The following CAMSAP3 variants were observed in gnomAD, a reference collection of about 807,000 sequenced individuals.
CAMSAP3 encodes calmodulin-regulated spectrin-associated protein 3.
CAMSAP3 carries 34 observed loss-of-function variants against 112.5 expected under a neutral mutation model. The observed-to-expected ratio is 0.30, with a 90% CI of 0.23 to 0.40. CAMSAP3 has a LOEUF of 0.40. Among genes scored for constraint, CAMSAP3 ranks in the 10% least tolerant of loss-of-function variants. The probability of loss-of-function intolerance (pLI) is 1.00; values close to 1 mark genes in which losing one functional copy is unlikely to be tolerated. For missense variants in CAMSAP3, 1,602 were observed against 1,770.3 expected (o/e 0.90, Z 1.71); for synonymous variants, 868 against 799.8 (o/e 1.09, Z -1.44).
intron 1 of CAMSAP3, among the ~76,000 whole-genome samples, chr19:7,602,242 T>C (rs2029999782): frequency 1.3e-5 from 2 of 151,850 alleles, no homozygotes; most frequent in Admixed American, 1.3e-4. Flanking sequence ...TTGCTAAACA[T>C]CTCACAGTGT....
chr19:7,613,157 C>G lies in CAMSAP3; in HGVS notation c.2664C>G (p.Phe888Leu). Residue 888 changes from phenylalanine (F) to leucine (L), a missense_variant, in exon 11 of 17, where the codon TTC (phenylalanine) becomes TTG (leucine). Phe to Leu is a conservative substitution (Grantham distance 22, BLOSUM62 0). Around this residue, in one of 6 missense-constraint regions of CAMSAP3, gnomAD observed 1,100 missense variants for 1,135.7 expected, o/e 0.97. Coordinates refer to ENST00000160298, the MANE Select transcript of CAMSAP3 (RefSeq NM_020902.2). ...AGCCCCGGGTGGGGCTGGGGTTCTT[C>G]TACAAGGTGAGTCCCCGAGCAGGTG... Reference protein sequence around the residue: ...EGEPRVGLGFFYKDEDKPEDE... With the variant: ...EGEPRVGLGFLYKDEDKPEDE... 2.0e-6 allele frequency: 3 copies of G among 1,500,076 alleles called. No homozygotes were observed. Among genetic ancestry groups the G allele is most frequent in the Non-Finnish European group, 1.8e-6 (2 of 1,118,842 alleles). 92.9% of individuals were successfully genotyped at this position (1,500,076 alleles called of 1,614,324 possible). A position where few individuals can be genotyped will look rare whatever the true frequency, so the allele number is the denominator to read the frequency against.
At position 7,607,863 on chromosome 19, in the gene CAMSAP3, C is replaced by G. The variant is rs755864319; in HGVS notation, c.622-263C>G. 1 of 1,311,652 alleles carries G rather than the reference C, an allele frequency of 7.6e-7. No homozygotes were observed. Among genetic ancestry groups the G allele is most frequent in the Non-Finnish European group, 1.1e-6 (1 of 949,050 alleles). The allele number at this position is 1,311,652 out of a possible 1,614,324, so 81.3% of individuals were successfully genotyped here. On this transcript the variant is annotated intron_variant, in intron 4 of 16. Transcript: ENST00000160298. This position sits in a 1 kb window ranked among gnomAD's most constrained non-coding sequence, Gnocchi z 4.9. ...TTTGAAGGAGTCGGGGAGCAAACCC[C>G]CCATGGTAATGTATCCCCCGCCCCG...
At chr19:7,614,024 G>A (rs1289509603) in intron 11 of CAMSAP3, among the ~76,000 whole-genome samples, 2 of 152,074 alleles carry the variant, frequency 1.3e-5, no homozygotes, top group Non-Finnish European at 1.5e-5. Flanking sequence ...CACTTTGGGA[G>A]GCCAAGGCAG....
At chr19:7,606,810 G>T in intron 4 of CAMSAP3, 1 of 1,613,784 alleles carries the variant, frequency 6.2e-7, no homozygotes, top group Non-Finnish European at 8.5e-7. Context: ...GCTGGTTCCT[G>T]TAAGTGGGGC....
Position 7,613,103 on chromosome 19 carries a change from C to T in CAMSAP3, c.2610C>T (p.Ser870=), listed in dbSNP as rs1405826954. ...GDGSPAGAED[S]LEEEASSEGE... is the part of the protein sequence containing the mutation. ...GGAGCCCCGCTGGTGCTGAGGATTC[C>T]TTGGAGGAGGAGGCGTCTTCGGAGG... Residue 870 remains serine, a synonymous_variant, in exon 11 of 17, where the codon TCC becomes TCT. Transcript: ENST00000160298. The T allele has an allele frequency of 1.3e-6, 2 of 1,545,450 alleles. No individual in the cohort carries two copies. Among genetic ancestry groups the T allele is most frequent in the Non-Finnish European group, 1.7e-6 (2 of 1,145,850 alleles).
Position 7,596,134 on chromosome 19 carries a change from C to G in CAMSAP3, c.132C>G (p.Ala44=). 2 of 1,064,404 alleles carry G rather than the reference C, an allele frequency of 1.9e-6. No individual in the cohort carries two copies. The highest frequency in any genetic ancestry group is 2.4e-6 in the Non-Finnish European group (2 of 850,540). The allele number at this position is 1,064,404 out of a possible 1,614,324, so 65.9% of individuals were successfully genotyped here. ...CCAGCCTGGCGTGGGTGCTGCGGGC[C>G]GCGTTCGGGGGCGCAGGTACCGGGG... ...AAASLAWVLR[A]AFGGAEHVPP... Residue 44 remains alanine, a synonymous_variant, in exon 1 of 17, where the codon GCC becomes GCG. Transcript: ENST00000160298.
Position 7,611,063 on chromosome 19 carries a change from G to T in CAMSAP3, c.1050-32G>T, listed in dbSNP as rs1374709452. ...GGGAGAGGCGGAGGAGGAGGTGGGG[G>T]TCCTGAGGCTGAAGTACGTCTCTCC... is the stretch of plus-strand genomic sequence containing the variant. On this transcript the variant is annotated intron_variant, in intron 8 of 16. Transcript: ENST00000160298. The surrounding 1 kb of genome is among the most constrained non-coding windows in gnomAD (Gnocchi z 6.9). 1 of 1,612,190 alleles carries T rather than the reference G, an allele frequency of 6.2e-7. No homozygotes were observed. The highest frequency in any genetic ancestry group is 1.7e-5 in the Admixed American group (1 of 59,978).
intron 1 of CAMSAP3, among the ~76,000 whole-genome samples, chr19:7,600,819 C>A (rs558015452): frequency 8.6e-6 from 1 of 116,116 alleles, no homozygotes; most frequent in African/African-American, 3.5e-5. Flanking sequence ...TCTACCCATC[C>A]ATCTATCTGT....
rs1209543349 is a variant in CAMSAP3 at position 7,596,170 on chromosome 19, C to A, written c.148+20C>A. 1 of 35,178 alleles carries A rather than the reference C, an allele frequency of 2.8e-5. No individual in the cohort carries two copies. The highest frequency in any genetic ancestry group is 4.2e-5 in the Non-Finnish European group (1 of 23,782). The allele number at this position is 35,178 out of a possible 1,614,324, so 2.2% of individuals were successfully genotyped here. A position where few individuals can be genotyped will look rare whatever the true frequency, so the allele number is the denominator to read the frequency against. The stretch of plus-strand genomic sequence containing the variant: ...GCGCAGGTACCGGGGCTCGGGGGAC[C>A]GGGGTCGGGGGCGGCGGGCCGGGCG... On this transcript the variant is annotated intron_variant, in intron 1 of 16. Coordinates refer to ENST00000160298, the MANE Select transcript of CAMSAP3 (RefSeq NM_020902.2).
At chr19:7,597,888 T>A (rs1334006640) in intron 1 of CAMSAP3, among the ~76,000 whole-genome samples, 2 of 152,126 alleles carry the variant, frequency 1.3e-5, no homozygotes, top group African/African-American at 4.8e-5. Context: ...TTGACCCAGC[T>A]CCCTCTGCTG....
chr19:7,615,268 G>A lies in CAMSAP3; in HGVS notation c.2756G>A (p.Arg919Gln). 6 of 1,549,772 alleles carry A rather than the reference G, an allele frequency of 3.9e-6. No homozygotes were observed. The highest frequency in any genetic ancestry group is 2.4e-5 in the East Asian group (1 of 40,974). The change falls in exon 12 of 17, where the codon CGG (arginine) becomes CAG (glutamine). Residue 919 changes from arginine to glutamine, a missense_variant. This residue lies in a region of CAMSAP3 where 1,100 missense variants were observed against 1,135.7 expected (regional missense o/e 0.97). Coordinates refer to ENST00000160298, the MANE Select transcript of CAMSAP3 (RefSeq NM_020902.2). The surrounding 1 kb of genome is among the most constrained non-coding windows in gnomAD (Gnocchi z 6.5). ...CAGCGGCGAGCAGAGGAGGCGCGGCGGCGCAAGCAGTGGCAGGAGGTGGAG... is the reference window on the plus strand; with the variant it reads ...CAGCGGCGAGCAGAGGAGGCGCGGCAGCGCAAGCAGTGGCAGGAGGTGGAG... The part of the protein sequence containing the change: ...RQQRRAEEAR[R>Q]RKQWQEVEKE...
In CAMSAP3 at chr19:7,605,263, C is replaced by T. The variant is rs774959624; in HGVS notation, c.186C>T (p.Thr62=). 3.7e-6 allele frequency: 6 copies of T among 1,604,490 alleles called. No homozygotes were observed. Among genetic ancestry groups the T allele is most frequent in the Middle Eastern group, 3.3e-4 (2 of 6,034 alleles). The change falls in exon 2 of 17, where the codon ACC becomes ACT. Residue 62 remains threonine (T), a synonymous_variant. Transcript: ENST00000160298. Reference sequence around the variant, plus strand: ...CGGAGCTGTGGGAGCCCTTCTATACCGACCAGTACGCGCAGGAGCATGTGA... The same window carrying T: ...CGGAGCTGTGGGAGCCCTTCTATACTGACCAGTACGCGCAGGAGCATGTGA... The part of the protein sequence containing the change: ...VPPELWEPFY[T]DQYAQEHVKP...
In CAMSAP3 at chr19:7,610,046, C is replaced by CGT. The variant is rs2030396442; in HGVS notation, c.761-430_761-429insGT. On this transcript the variant is annotated intron_variant, in intron 5 of 16. Coordinates refer to ENST00000160298, the MANE Select transcript of CAMSAP3 (RefSeq NM_020902.2). This position sits in a 1 kb window ranked among gnomAD's most constrained non-coding sequence, Gnocchi z 4.9. ...TCATATAATTCACCTCGGCCGGGTA[C>CGT]AGTGGCTCACGCCTGTAATCCCAGC... 1.3e-5 allele frequency among the ~76,000 whole-genome samples: 2 copies of CGT among 152,218 alleles called. No homozygotes were observed. The highest frequency in any genetic ancestry group is 4.2e-4 in the South Asian group (2 of 4,816).
At chr19:7,609,014 C>A (rs1374168702) in intron 5 of CAMSAP3, among the ~76,000 whole-genome samples, 1 of 151,306 alleles carries the variant, frequency 6.6e-6, no homozygotes, top group Non-Finnish European at 1.5e-5. Flanking sequence ...ACTCTTTTTT[C>A]TTTTTTATTA....
chr19:7,612,986 G>A lies in CAMSAP3; in HGVS notation c.2493G>A (p.Glu831=), dbSNP rs766808364. The A allele has an allele frequency of 7.6e-6, 12 of 1,584,852 alleles. No homozygotes were observed. Among genetic ancestry groups the A allele is most frequent in the Non-Finnish European group, 1.0e-5 (12 of 1,168,274 alleles). The change falls in exon 11 of 17, where the codon GAG becomes GAA. Residue 831 remains glutamate (E), a synonymous_variant. Transcript: ENST00000160298. ...GCTCTTCCATCCTCCTGGCGGAGGA[G>A]ACGCCCCCCGAGGAGCCAGCCGCCC... ...QTRSSILLAE[E]TPPEEPAARP... is the part of the protein sequence containing the mutation.
chr19:7,602,484 G>A (rs924666342), intron 1 of CAMSAP3, among the ~76,000 whole-genome samples: 6 of 152,162 alleles, frequency 3.9e-5, no homozygotes, highest in South Asian at 4.1e-4. Flanking sequence ...GCCCAAGGCC[G>A]GGGCTGGGGA....
chr19:7,598,803 C>T (rs1446502671), intron 1 of CAMSAP3, among the ~76,000 whole-genome samples: 1 of 151,528 alleles, frequency 6.6e-6, no homozygotes, highest in African/African-American at 2.4e-5. Flanking sequence ...CAAAGGGTTC[C>T]ATGTTAAACA....
chr19:7,608,165 C>T lies in CAMSAP3; in HGVS notation c.661C>T (p.Pro221Ser). 1.2e-6 allele frequency: 2 copies of T among 1,612,372 alleles called. No homozygotes were observed. Among genetic ancestry groups the T allele is most frequent in the South Asian group, 1.1e-5 (1 of 91,076 alleles). ...RKDRVVARRA[P>S]CFPTVTSLQD... ...GGACCGTGTGGTGGCGCGACGTGCC[C>T]CCTGCTTCCCGACGGTGACCAGCCT... The change falls in exon 5 of 17, where the codon CCC becomes TCC. Residue 221 changes from proline to serine, a missense_variant. By Grantham distance (74) the Pro-to-Ser change is moderately conservative. This residue lies in a region of CAMSAP3 where 112 missense variants were observed against 94.2 expected (regional missense o/e 1.19). Coordinates refer to ENST00000160298, the MANE Select transcript of CAMSAP3 (RefSeq NM_020902.2).
At chr19:7,597,142 G>C (rs978993616) in intron 1 of CAMSAP3, among the ~76,000 whole-genome samples, 8 of 152,132 alleles carry the variant, frequency 5.3e-5, no homozygotes, top group African/African-American at 1.7e-4. Context: ...TCTGCCCACT[G>C]GTGTTGGCAC....
Sources: gnomAD v4.1 joint callset for allele counts (sites outside exome capture counted in the v4.1 genomes callset) on GRCh38, gnomAD v4.1.1 for gene constraint, gnomAD v4.1.1 regional missense constraint, Gnocchi (gnomAD v3.1) non-coding constraint, MANE v1.5 for transcripts, NCBI Gene and HGNC (gene_info 2026-07-23, HGNC 2026-07-21) for gene names.